Variants in NECAB1 observed in about 807,000 individuals in gnomAD.
NECAB1 encodes N-terminal EF-hand calcium binding protein 1, also known as N-terminal EF-hand calcium-binding protein 1.
In NECAB1, 29 loss-of-function variants were observed where a neutral mutation model predicts 57.5. The observed-to-expected ratio is 0.50, with a 90% CI of 0.38 to 0.69. The LOEUF (loss-of-function observed/expected upper bound fraction) is 0.69. NECAB1 is among the 30% of genes least tolerant of loss of function. The probability of loss-of-function intolerance (pLI) is 0.00; values close to 1 mark genes in which losing one functional copy is unlikely to be tolerated. For synonymous variants in NECAB1, 142 were observed against 147.7 expected, an observed-to-expected ratio of 0.96 and a Z score of 0.28; for missense variants, 372 against 413.8, an observed-to-expected ratio of 0.90 and a Z score of 0.88.
At chr8:90,876,901 C>T in intron 4 of NECAB1, among the ~76,000 whole-genome samples, 1 of 152,174 alleles carries the variant, frequency 6.6e-6, no homozygotes, top group South Asian at 2.1e-4. Context: ...GTTCATGAAA[C>T]CCACATACAG....
intron 3 of NECAB1, among the ~76,000 whole-genome samples, chr8:90,841,271 A>T (rs964633599): frequency 1.0e-4 from 15 of 150,210 alleles, no homozygotes; most frequent in South Asian, 4.2e-4. Context: ...AAAAAAATAA[A>T]AAAAAAAAAG....
chr8:90,924,981 A>G (rs1207376378), intron 6 of NECAB1, among the ~76,000 whole-genome samples: 1 of 151,666 alleles, frequency 6.6e-6, no homozygotes, highest in African/African-American at 2.4e-5. Context: ...TATAATATAT[A>G]TTTTAACATA....
intron 8 of NECAB1, among the ~76,000 whole-genome samples, chr8:90,929,261 G>T (rs1407034645): frequency 1.3e-5 from 2 of 152,152 alleles, no homozygotes; most frequent in Non-Finnish European, 2.9e-5. Flanking sequence ...GTGACCTGGG[G>T]TGCTCAGGAA....
chr8:90,864,739 C>T (rs375996477), intron 3 of NECAB1, among the ~76,000 whole-genome samples: 3 of 152,126 alleles, frequency 2.0e-5, no homozygotes, highest in Non-Finnish European at 4.4e-5. Flanking sequence ...TACTGTTTTA[C>T]TGTAGATGGG....
Position 90,791,812 on chromosome 8 carries a change from C to A in NECAB1, c.-75C>A. On this transcript the variant is annotated 5_prime_UTR_variant, in exon 1 of 13. In the 5' UTR this introduces an upstream ATG that the reference lacks. Transcript: ENST00000417640. ...GAGCCCGGCGGCGGCGAAGCAGCAG[C>A]TGCGGCCGCGCCCTTGCCAGAGCCG... 8.0e-7 allele frequency: 1 copy of A among 1,247,338 alleles called. No individual in the cohort carries two copies. The allele number at this position is 1,247,338 out of a possible 1,614,324, so 77.3% of individuals were successfully genotyped here.
At chr8:90,889,965 G>GTT (rs1331247657) in intron 5 of NECAB1, among the ~76,000 whole-genome samples, 2 of 151,984 alleles carry the variant, frequency 1.3e-5, no homozygotes, top group African/African-American at 4.8e-5. Context: ...GTGTGAGTGT[G>GTT]TGTGTGTGTG....
chr8:90,791,853 C>G lies in NECAB1; in HGVS notation c.-34C>G. ...GCCAGAGCCGGTGCGTCCGCCTAGC[C>G]CCGCTCCGCCTGAGGCCGTCAGGGC... On this transcript the variant is annotated 5_prime_UTR_variant, in exon 1 of 13. Transcript: ENST00000417640. 1 of 1,522,282 alleles carries G rather than the reference C, an allele frequency of 6.6e-7. No homozygotes were observed. The highest frequency in any genetic ancestry group is 1.4e-5 in the African/African-American group (1 of 72,646). The allele number at this position is 1,522,282 out of a possible 1,614,324, so 94.3% of individuals were successfully genotyped here.
rs181298614 is a variant in NECAB1, at chr8:90,898,257, T to A, written c.357+17127T>A. ...AGGAAGTCAAGGCTCACCCCAATGC[T>A]CTCTCTCAAGTCTCACCTCCCCTCT... On this transcript the variant is annotated intron_variant, in intron 5 of 12. Transcript: ENST00000417640. 1.5e-3 allele frequency among the ~76,000 whole-genome samples: 228 copies of A among 152,190 alleles called. 2 individuals carry two copies. The highest frequency in any genetic ancestry group is 5.9e-4 in the Non-Finnish European group (40 of 68,014).
rs944218790 is a variant in NECAB1 at position 90,956,606 on chromosome 8, T to C, written c.*1094T>C. On this transcript the variant is annotated 3_prime_UTR_variant, in exon 13 of 13. Coordinates refer to ENST00000417640, the MANE Select transcript of NECAB1 (RefSeq NM_022351.5). ...AATCTGTTCTGGTTATAAACCTTGC[T>C]AATGAAAATACAATACATATAAAAA... 2 of 151,882 alleles carry C rather than the reference T, an allele frequency of 1.3e-5. No individual in the cohort carries two copies. Among genetic ancestry groups the C allele is most frequent in the Non-Finnish European group, 2.9e-5 (2 of 67,888 alleles). 9.4% of individuals were successfully genotyped at this position (151,882 alleles called of 1,614,324 possible).
chr8:90,851,949 C>T (rs1446390532), intron 3 of NECAB1, among the ~76,000 whole-genome samples: 1 of 151,886 alleles, frequency 6.6e-6, no homozygotes, highest in South Asian at 2.1e-4. Flanking sequence ...CCACCCCCAA[C>T]CCCATTTTGT....
chr8:90,896,827 C>T (rs1406007730), intron 5 of NECAB1, among the ~76,000 whole-genome samples: 2 of 152,162 alleles, frequency 1.3e-5, no homozygotes, highest in African/African-American at 2.4e-5. Context: ...CACCCTAACT[C>T]ATTCTGATTA....
At chr8:90,874,009 A>C (rs890513289) in intron 4 of NECAB1, among the ~76,000 whole-genome samples, 2 of 152,306 alleles carry the variant, frequency 1.3e-5, no homozygotes, top group African/African-American at 2.4e-5. Flanking sequence ...TGTGTTTTTT[A>C]AATCCAGTGA....
At chr8:90,823,705 A>G (rs1812182168) in intron 2 of NECAB1, among the ~76,000 whole-genome samples, 1 of 151,866 alleles carries the variant, frequency 6.6e-6, no homozygotes, top group African/African-American at 2.4e-5. Flanking sequence ...GTAGAAGTAC[A>G]TTATAGGAGT....
chr8:90,845,436 T>C (rs562373195), intron 3 of NECAB1, among the ~76,000 whole-genome samples: 5 of 152,228 alleles, frequency 3.3e-5, no homozygotes, highest in Non-Finnish European at 7.3e-5. Context: ...TATGTATTTA[T>C]TTATTTTCAC....
chr8:90,916,158 C>A (rs565258940), intron 5 of NECAB1, among the ~76,000 whole-genome samples: 12 of 152,268 alleles, frequency 7.9e-5, no homozygotes, highest in African/African-American at 2.6e-4. Flanking sequence ...GTGTTGTTCA[C>A]CTGTAATGAA....
rs1399969404 is a variant in NECAB1 at position 90,875,797 on chromosome 8, G to A, written c.259+3644G>A. Among the ~76,000 whole-genome samples the A allele has an allele frequency of 6.1e-5, 9 of 146,718 alleles. No individual in the cohort carries two copies. The Admixed American group carries it at 6.2e-4, about 10-fold the overall frequency. On this transcript the variant is annotated intron_variant, in intron 4 of 12. Coordinates refer to ENST00000417640, the MANE Select transcript of NECAB1 (RefSeq NM_022351.5). ...GGAGGCTGAGGCGGGTGGATCACGA[G>A]ATCAGGAGATCAAGACCACGGTGAA... is the stretch of plus-strand genomic sequence containing the variant.
At chr8:90,955,130 A>G (rs1811006784) in intron 12 of NECAB1, among the ~76,000 whole-genome samples, 1 of 133,048 alleles carries the variant, frequency 7.5e-6, no homozygotes, top group Admixed American at 7.5e-5. Context: ...ATATATATAT[A>G]TATATATATA....
chr8:90,926,342 C>T (rs1810271042), intron 7 of NECAB1, among the ~76,000 whole-genome samples: 1 of 151,976 alleles, frequency 6.6e-6, no homozygotes, highest in African/African-American at 2.4e-5. Context: ...ATATTTTCAC[C>T]AACTGTACTT....
At chr8:90,862,602 T>C (rs956945712) in intron 3 of NECAB1, among the ~76,000 whole-genome samples, 2 of 152,162 alleles carry the variant, frequency 1.3e-5, no homozygotes, top group Admixed American at 1.3e-4. Flanking sequence ...TGAAGGAATA[T>C]ATTGTTCAGC....
Sources: allele counts gnomAD v4.1 joint callset (sites outside exome capture counted in the v4.1 genomes callset), GRCh38; gene constraint gnomAD v4.1.1; transcripts MANE v1.5; gene names NCBI Gene and HGNC (gene_info 2026-07-23, HGNC 2026-07-21).